The following CCDC32 variants were observed in gnomAD, a reference collection of about 807,000 sequenced individuals.
The protein encoded by CCDC32 is coiled-coil domain-containing protein 32.
CCDC32 carries 9 observed loss-of-function variants against 20.1 expected under a neutral mutation model. The observed-to-expected ratio is 0.45, with a 90% CI of 0.27 to 0.78. The LOEUF (loss-of-function observed/expected upper bound fraction) is 0.78. Among genes scored for constraint, CCDC32 ranks in the 30% least tolerant of loss-of-function variants. The probability of loss-of-function intolerance (pLI) is 0.16; values close to 1 mark genes in which losing one functional copy is unlikely to be tolerated. For missense variants in CCDC32, 204 were observed against 215.5 expected (o/e 0.95, Z 0.33); for synonymous variants, 63 against 79.0 (o/e 0.80, Z 1.07).
At chr15:40,547,007 T>C (rs1381958487) in intron 3 of CCDC32, among the ~76,000 whole-genome samples, 4 of 152,100 alleles carry the variant, frequency 2.6e-5, no homozygotes, top group Admixed American at 6.5e-5. Context: ...CTGACCTATG[T>C]TTTGCAGTTT....
At chr15:40,546,708 A>ATTT (rs35672819) in intron 3 of CCDC32, among the ~76,000 whole-genome samples, 40 of 146,278 alleles carry the variant, frequency 2.7e-4, no homozygotes, top group African/African-American at 9.3e-4. Context: ...GTGTTTTGCA[A>ATTT]TTTTTTTTTT....
downstream of CCDC32, chr15:40,531,883 T>TA (rs113509274): frequency 4.7e-4 from 72 of 153,296 alleles, no homozygotes; most frequent in Non-Finnish European, 7.8e-4. Flanking sequence ...GTTTTTTTTT[T>TA]AAATATGAAA....
Position 40,553,220 on chromosome 15 carries a change from T to C in CCDC32, c.*751A>G. 1.0e-6 allele frequency: 1 copy of C among 985,224 alleles called. No homozygotes were observed. 61.0% of individuals were successfully genotyped at this position (985,224 alleles called of 1,614,324 possible). A position where few individuals can be genotyped will look rare whatever the true frequency, so the allele number is the denominator to read the frequency against. ...GAAGATGTTTGGAACTATCCAGGAG[T>C]AGTGTCAAACACTAACACCATATTT... is the stretch of plus-strand genomic sequence containing the variant. On this transcript the variant is annotated 3_prime_UTR_variant, in exon 4 of 4. Coordinates refer to ENST00000416810, the MANE Select transcript of CCDC32 (RefSeq NM_001080792.4).
At chr15:40,533,818 A>G (rs898551706), downstream of CCDC32, among the ~76,000 whole-genome samples, 2 of 152,136 alleles carry the variant, frequency 1.3e-5, no homozygotes, top group Non-Finnish European at 2.9e-5. Flanking sequence ...TAATTGGGGT[A>G]GACCACACCG....
intron 3 of CCDC32, among the ~76,000 whole-genome samples, chr15:40,556,153 C>G (rs1318890536): frequency 6.6e-6 from 1 of 152,230 alleles, no homozygotes; most frequent in African/African-American, 2.4e-5. Flanking sequence ...GAGTGTCGAG[C>G]CCCATTCCTG....
chr15:40,552,988 G>T, downstream of CCDC32: 1 of 379,402 alleles, frequency 2.6e-6, no homozygotes, highest in Non-Finnish European at 3.6e-6. Flanking sequence ...ATAACAGGAG[G>T]CTGGCAAAGT....
At chr15:40,556,327 C>T (rs1188660146) in intron 3 of CCDC32, among the ~76,000 whole-genome samples, 1 of 152,164 alleles carries the variant, frequency 6.6e-6, no homozygotes, top group Non-Finnish European at 1.5e-5. Context: ...ACTCAACTGG[C>T]CCTTCTCTTA....
chr15:40,525,022 C>A (rs2141592958), downstream of CCDC32, among the ~76,000 whole-genome samples: 1 of 150,740 alleles, frequency 6.6e-6, no homozygotes, highest in South Asian at 2.1e-4. Flanking sequence ...GTCACCATGC[C>A]CAGCCAAGCT....
chr15:40,532,204 G>A, downstream of CCDC32: 4 of 681,798 alleles, frequency 5.9e-6, no homozygotes, highest in Non-Finnish European at 8.1e-6. Context: ...CAAGGGATAG[G>A]TTTTGTGCGT....
chr15:40,537,590 A>C (rs1192041013), downstream of CCDC32: 1 of 152,252 alleles, frequency 6.6e-6, no homozygotes, highest in Non-Finnish European at 1.5e-5. Flanking sequence ...CCAACTCCCA[A>C]AATACAGAAT....
chr15:40,539,290 T>C, exon 4 of CCDC32: 1 of 1,535,578 alleles, frequency 6.5e-7, no homozygotes, highest in Non-Finnish European at 8.7e-7. Flanking sequence ...CTCAGCACAC[T>C]GGTGGCTGTC....
At chr15:40,556,226 G>C (rs1209300700) in intron 3 of CCDC32, among the ~76,000 whole-genome samples, 1 of 152,188 alleles carries the variant, frequency 6.6e-6, no homozygotes, top group Non-Finnish European at 1.5e-5. Context: ...TGCAGGTACT[G>C]TTCAAGTCCT....
chr15:40,528,084 C>T (rs1481259790), downstream of CCDC32, among the ~76,000 whole-genome samples: 1 of 152,232 alleles, frequency 6.6e-6, no homozygotes, highest in Non-Finnish European at 1.5e-5. Flanking sequence ...GCGGTCGATA[C>T]TGACTGAGCA....
chr15:40,554,770 C>A (rs970435412), intron 3 of CCDC32, among the ~76,000 whole-genome samples: 1 of 152,162 alleles, frequency 6.6e-6, no homozygotes, highest in Non-Finnish European at 1.5e-5. Flanking sequence ...TTGTCAAGCT[C>A]AAGGTCCCCT....
downstream of CCDC32, among the ~76,000 whole-genome samples, chr15:40,531,003 C>T (rs962945043): frequency 1.8e-4 from 28 of 151,840 alleles, no homozygotes; most frequent in African/African-American, 6.3e-4. Context: ...GGCCACCGCA[C>T]CTGGCCAGAT....
intron 3 of CCDC32, 75 bp from the exon 4 acceptor site, chr15:40,554,202 T>C: frequency 6.5e-7 from 1 of 1,531,654 alleles, no homozygotes; most frequent in Non-Finnish European, 8.8e-7. Flanking sequence ...TCTCAGTTAC[T>C]CAAACACTAC....
At chr15:40,560,663 G>A (rs1213942002) in intron 2 of CCDC32, among the ~76,000 whole-genome samples, 1 of 152,114 alleles carries the variant, frequency 6.6e-6, no homozygotes, top group East Asian at 1.9e-4. Context: ...AAGTCAAAAT[G>A]GTGAGCTACC....
In CCDC32 at chr15:40,562,928, C is replaced by A; in HGVS notation, c.88G>T (p.Glu30Ter). The change falls in exon 2 of 4, where the codon GAA becomes TAA. Residue 30 changes from glutamate (E) to a stop codon, truncating the protein, a stop_gained. Transcript: ENST00000416810. LOFTEE classifies it high-confidence loss of function. ...AEICSCLPNP[E>*]QEDGANNAFS... ...GCATTGTTGGCACCATCTTCTTGTT[C>A]AGGATTTGGCAGACAGGAACAAATT... 1.2e-6 allele frequency: 2 copies of A among 1,614,210 alleles called. No homozygotes were observed. Among genetic ancestry groups the A allele is most frequent in the Non-Finnish European group, 8.5e-7 (1 of 1,180,046 alleles).
intron 3 of CCDC32, among the ~76,000 whole-genome samples, chr15:40,542,282 C>T (rs1889426095): frequency 6.6e-6 from 1 of 152,160 alleles, no homozygotes; most frequent in Non-Finnish European, 1.5e-5. Context: ...GTCCTTTGTA[C>T]TTCAGTGTGT....
Sources: allele counts gnomAD v4.1 joint callset (sites outside exome capture counted in the v4.1 genomes callset), GRCh38; gene constraint gnomAD v4.1.1; transcripts MANE v1.5; gene names NCBI Gene and HGNC (gene_info 2026-07-23, HGNC 2026-07-21).